Variants in PAK1 observed in about 807,000 individuals in gnomAD.
The protein encoded by PAK1 is serine/threonine-protein kinase PAK 1.
A neutral mutation model predicts 67.4 loss-of-function variants in PAK1; 29 were observed. The observed-to-expected ratio is 0.43, with a 90% CI of 0.32 to 0.59. The LOEUF (loss-of-function observed/expected upper bound fraction) is 0.59, where lower values mean the gene tolerates loss of function less well. Among genes scored for constraint, PAK1 ranks in the 20% least tolerant of loss-of-function variants. The pLI is 0.07. For synonymous variants in PAK1, 223 were observed against 237.4 expected, an observed-to-expected ratio of 0.94 and a Z score of 0.56; for missense variants, 337 against 670.7, an observed-to-expected ratio of 0.50 and a Z score of 5.50.
upstream of PAK1, among the ~76,000 whole-genome samples, chr11:77,478,920 CAAA>C (rs1217145882): frequency 9.4e-6 from 1 of 106,550 alleles, no homozygotes; most frequent in African/African-American, 3.6e-5. Flanking sequence ...ACTAAAAATA[CAAA>C]AAAAAAAAAA....
chr11:77,480,115 C>T, the PAK1 span, among the ~76,000 whole-genome samples: 2 of 152,064 alleles, frequency 1.3e-5, no homozygotes, highest in Non-Finnish European at 2.9e-5. Context: ...TTTGTTTTAA[C>T]TATCTTTTCA....
intron 5 of PAK1, among the ~76,000 whole-genome samples, chr11:77,366,943 G>A (rs1327700436): frequency 6.6e-6 from 1 of 152,130 alleles, no homozygotes; most frequent in Non-Finnish European, 1.5e-5. Flanking sequence ...AACAACCCAA[G>A]TACACATCAA....
At chr11:77,377,175 T>C (rs1027641675) in intron 4 of PAK1, among the ~76,000 whole-genome samples, 1 of 152,040 alleles carries the variant, frequency 6.6e-6, no homozygotes, top group Non-Finnish European at 1.5e-5. Context: ...CTCAGGAGGC[T>C]GAGGCAGGAG....
chr11:77,332,077 C>T (rs1287586842), intron 14 of PAK1, among the ~76,000 whole-genome samples: 1 of 151,508 alleles, frequency 6.6e-6, no homozygotes, highest in Non-Finnish European at 1.5e-5. Flanking sequence ...GCGAAGTGCG[C>T]AGATCGCTTG....
intron 1 of PAK1, among the ~76,000 whole-genome samples, chr11:77,444,716 C>T (rs1044506821): frequency 6.6e-6 from 1 of 152,148 alleles, no homozygotes; most frequent in African/African-American, 2.4e-5. Context: ...AAGCTGCCCA[C>T]AATAGTATAA....
chr11:77,450,659 T>A (rs1956814307), intron 1 of PAK1, among the ~76,000 whole-genome samples: 1 of 152,236 alleles, frequency 6.6e-6, no homozygotes. Flanking sequence ...GCATATCTAC[T>A]GTGGGTCAGG....
chr11:77,329,370 T>G (rs1343602834), intron 14 of PAK1: 4 of 152,248 alleles, frequency 2.6e-5, no homozygotes, highest in African/African-American at 4.8e-5. Flanking sequence ...TGAACATCGA[T>G]GCAAAAATCC....
intron 1 of PAK1, among the ~76,000 whole-genome samples, chr11:77,445,417 G>C (rs2138494523): frequency 6.6e-6 from 1 of 152,244 alleles, no homozygotes; most frequent in Non-Finnish European, 1.5e-5. Flanking sequence ...TTTATTTGGT[G>C]GCACTGTTCA....
At chr11:77,354,495 G>A (rs1432872397) in intron 7 of PAK1, among the ~76,000 whole-genome samples, 1 of 152,158 alleles carries the variant, frequency 6.6e-6, no homozygotes, top group Admixed American at 6.5e-5. Context: ...TGGCTGAGCA[G>A]AAGCTTCAAC....
At chr11:77,431,415 T>C (rs1955853434) in intron 1 of PAK1, among the ~76,000 whole-genome samples, 2 of 152,172 alleles carry the variant, frequency 1.3e-5, no homozygotes, top group South Asian at 4.1e-4. Flanking sequence ...CTACCCAATG[T>C]TTAACAATGA....
rs1181692893 is a variant in PAK1 at position 77,379,981 on chromosome 11, TTTC to T, written c.201_203del (p.Lys68del). On this transcript the variant is annotated inframe_deletion, in exon 3 of 15. Coordinates refer to ENST00000356341, the MANE Select transcript of PAK1 (RefSeq NM_002576.5). Reference sequence around the variant, plus strand: ...GAGAAATCTCTGGCCGCTCTTTCTCTTTCTTTTTATTTGCTGCAAGAGAAACAG... The same window carrying T: ...GAGAAATCTCTGGCCGCTCTTTCTCTTTTTTATTTGCTGCAAGAGAAACAG... The T allele has an allele frequency of 1.2e-6, 2 of 1,612,136 alleles. No individual in the cohort carries two copies.
chr11:77,440,014 C>T (rs1248599489), intron 1 of PAK1, among the ~76,000 whole-genome samples: 3 of 152,280 alleles, frequency 2.0e-5, no homozygotes, highest in South Asian at 2.1e-4. Flanking sequence ...CACCTGTCAT[C>T]GGAGAATCAG....
At chr11:77,358,784 C>T (rs1480866873) in intron 6 of PAK1, 114 bp downstream of exon 6, 2 of 1,050,180 alleles carry the variant, frequency 1.9e-6, no homozygotes, top group East Asian at 2.4e-5. Context: ...TCACCAGCTC[C>T]AAAATCTAAG....
the PAK1 span, among the ~76,000 whole-genome samples, chr11:77,499,334 A>G: frequency 2.0e-5 from 3 of 152,120 alleles, no homozygotes; most frequent in South Asian, 2.1e-4. Flanking sequence ...AATACCTGGG[A>G]CTACAGGTGC....
At chr11:77,475,533 C>CA (rs1309818819), upstream of PAK1, 1 of 152,218 alleles carries the variant, frequency 6.6e-6, no homozygotes, top group African/African-American at 2.4e-5. Context: ...TGTCTCACAT[C>CA]ATTTATTTTT....
At chr11:77,478,210 ATTTTT>A (rs904292564), upstream of PAK1, among the ~76,000 whole-genome samples, 1 of 148,694 alleles carries the variant, frequency 6.7e-6, no homozygotes, top group African/African-American at 2.5e-5. Context: ...CCAAGAAGTT[ATTTTT>A]TTTTTTCTCA....
intron 2 of PAK1, among the ~76,000 whole-genome samples, chr11:77,388,811 C>G (rs934855490): frequency 3.3e-5 from 5 of 152,226 alleles, no homozygotes; most frequent in Non-Finnish European, 5.9e-5. Flanking sequence ...TAGACCCCCA[C>G]TTTCCCATTT....
In PAK1 at chr11:77,433,267, T is replaced by C. The variant is rs565789767; in HGVS notation, c.-22+40285A>G. Among the ~76,000 whole-genome samples the C allele has an allele frequency of 5.9e-5, 9 of 152,282 alleles. No homozygotes were observed. In the South Asian group the frequency reaches 1.9e-3, roughly 32 times the overall value. ...TCTCAGAGGAAAACATAGGTGTAAA[T>C]ATTCATGACCCTGAATGGTTTCTTA... On this transcript the variant is annotated intron_variant, in intron 1 of 14. Transcript: ENST00000356341.
chr11:77,518,337 G>A, the PAK1 span, among the ~76,000 whole-genome samples: 1 of 152,214 alleles, frequency 6.6e-6, no homozygotes, highest in African/African-American at 2.4e-5. Flanking sequence ...TAATGGGAAA[G>A]AAAGCTGTGA....
Sources: gnomAD v4.1 joint callset for allele counts (sites outside exome capture counted in the v4.1 genomes callset) on GRCh38, gnomAD v4.1.1 for gene constraint, MANE v1.5 for transcripts, NCBI Gene and HGNC (gene_info 2026-07-23, HGNC 2026-07-21) for gene names.